TTYH3: variants seen among roughly 807,000 people sequenced by gnomAD.
TTYH3 encodes tweety family member 3.
A neutral mutation model predicts 68.2 loss-of-function variants in TTYH3; 23 were observed. That is an observed-to-expected ratio of 0.34 (90% CI 0.24 to 0.48). The LOEUF (loss-of-function observed/expected upper bound fraction) is 0.48, where lower values mean the gene tolerates loss of function less well. Among genes scored for constraint, TTYH3 ranks in the 20% least tolerant of loss-of-function variants. The pLI, the probability that TTYH3 is intolerant of heterozygous loss-of-function variation, is 0.99. For missense variants in TTYH3, 768 were observed against 727.7 expected, an observed-to-expected ratio of 1.06 and a Z score of -0.64; for synonymous variants, 360 against 332.8, an observed-to-expected ratio of 1.08 and a Z score of -0.89.
At chr7:2,653,947 G>C (rs555401310) in intron 9 of TTYH3, among the ~76,000 whole-genome samples, 4 of 152,300 alleles carry the variant, frequency 2.6e-5, no homozygotes, top group Non-Finnish European at 5.9e-5. Context: ...TGGTCCACCC[G>C]TGGGGATCCC....
intron 1 of TTYH3, among the ~76,000 whole-genome samples, chr7:2,643,811 C>CAGTGGGGT (rs112707413): frequency 6.6e-6 from 1 of 151,960 alleles, no homozygotes; most frequent in African/African-American, 2.4e-5. Context: ...GCGGAGGTCA[C>CAGTGGGGT]ACCTGTTTAG....
Position 2,661,895 on chromosome 7 carries a change from A to G in TTYH3, c.*156A>G. On this transcript the variant is annotated 3_prime_UTR_variant, in exon 14 of 14. Coordinates refer to ENST00000258796, the MANE Select transcript of TTYH3 (RefSeq NM_025250.3). ...GCTTGCCCTCCTGTCCCCTCCCCGC[A>G]GGGGCACAGTGGAGACGCAGGGGCT... 2.5e-6 allele frequency: 2 copies of G among 789,138 alleles called. No individual in the cohort carries two copies. Among genetic ancestry groups the G allele is most frequent in the Non-Finnish European group, 4.1e-6 (2 of 486,890 alleles). The allele number at this position is 789,138 out of a possible 1,614,324, so 48.9% of individuals were successfully genotyped here.
At position 2,647,562 on chromosome 7, in the gene TTYH3, G is replaced by C; in HGVS notation, c.550G>C (p.Ala184Pro). The C allele has an allele frequency of 1.9e-6, 3 of 1,562,788 alleles. No homozygotes were observed. The highest frequency in any genetic ancestry group is 2.6e-6 in the Non-Finnish European group (3 of 1,154,682). The change falls in exon 4 of 14, where the codon GCC becomes CCC. Residue 184 changes from alanine to proline, a missense_variant. By Grantham distance (27) the Ala-to-Pro change is conservative. Coordinates refer to ENST00000258796, the MANE Select transcript of TTYH3 (RefSeq NM_025250.3). The stretch of plus-strand genomic sequence containing the variant: ...GGAGACGCTGCTGGGCTACACGGCC[G>C]CCATCCCCTTTTGGAGGAACACGGC... ...LLETLLGYTA[A>P]IPFWRNTAVS...
intron 5 of TTYH3, chr7:2,648,390 A>C (rs1583566545): frequency 3.9e-6 from 1 of 257,378 alleles, no homozygotes. Context: ...TCCTTCCTCC[A>C]CCCCTTCCAT....
Position 2,653,003 on chromosome 7 carries a change from C to T in TTYH3, c.1013C>T (p.Ala338Val). The T allele has an allele frequency of 1.3e-6, 2 of 1,569,094 alleles. No individual in the cohort carries two copies. The highest frequency in any genetic ancestry group is 1.7e-6 in the Non-Finnish European group (2 of 1,156,668). The change falls in exon 9 of 14, where the codon GCC (alanine) becomes GTC (valine). Residue 338 changes from alanine (A) to valine (V), a missense_variant. Ala to Val is a moderately conservative substitution (Grantham distance 64). Transcript: ENST00000258796. ...AGGACCGTCCCCTGGGAGCAGCCGG[C>T]CACTAAGGTGAGGGGCTGCGGGGTA... ...LLRTVPWEQPATKDPLLRVQE... is the reference protein window; with the variant it reads ...LLRTVPWEQPVTKDPLLRVQE...
chr7:2,632,998 C>T (rs112084263), intron 1 of TTYH3, among the ~76,000 whole-genome samples: 5 of 152,292 alleles, frequency 3.3e-5, no homozygotes, highest in African/African-American at 9.6e-5. Flanking sequence ...AGGCTGGAAG[C>T]GGCTGAGCCC....
chr7:2,636,415 G>C (rs923107722), intron 1 of TTYH3, among the ~76,000 whole-genome samples: 6 of 152,066 alleles, frequency 3.9e-5, no homozygotes, highest in African/African-American at 1.4e-4. Context: ...CTGTAGGGTG[G>C]GTGTCCCTGA....
intron 1 of TTYH3, among the ~76,000 whole-genome samples, chr7:2,640,160 A>G (rs1367356998): frequency 1.3e-5 from 2 of 152,236 alleles, no homozygotes; most frequent in African/African-American, 4.8e-5. Context: ...CGTGGCTGGA[A>G]TGGCAGGGTG....
intron 1 of TTYH3, among the ~76,000 whole-genome samples, chr7:2,633,447 G>C (rs1785577955): frequency 6.6e-6 from 1 of 152,144 alleles, no homozygotes; most frequent in Non-Finnish European, 1.5e-5. Context: ...AGGCCCCCCA[G>C]CCGAGCCGAT....
At chr7:2,644,868 T>C (rs1016122277) in intron 1 of TTYH3, among the ~76,000 whole-genome samples, 1 of 152,208 alleles carries the variant, frequency 6.6e-6, no homozygotes, top group Non-Finnish European at 1.5e-5. Flanking sequence ...ATCCTCCCAC[T>C]GCCTGGCAAC....
rs1786105216 is a variant in TTYH3 at position 2,649,625 on chromosome 7, C to A, written c.781C>A (p.Leu261Met). 1.9e-6 allele frequency: 3 copies of A among 1,599,484 alleles called. No individual in the cohort carries two copies. The highest frequency in any genetic ancestry group is 2.5e-6 in the Non-Finnish European group (3 of 1,177,358). The change falls in exon 6 of 14, where the codon CTG becomes ATG. Residue 261 changes from leucine (L) to methionine (M), a missense_variant. Physicochemically the swap from Leu to Met is conservative, Grantham distance 15. Transcript: ENST00000258796. The stretch of plus-strand genomic sequence containing the variant: ...CAGCTGGGGCGCGCTGGGCTTGGAG[C>A]TGGCTGTGTCCGTGGTGAGTGGCAG... ...VISWGALGLE[L>M]AVSVGSSDFC...
In TTYH3 at chr7:2,640,392, C is replaced by T. The variant is rs549864954; in HGVS notation, c.124-6461C>T. Among the ~76,000 whole-genome samples the T allele has an allele frequency of 1.3e-4, 18 of 138,320 alleles. No homozygotes were observed. The East Asian group carries it at 3.8e-3, about 29-fold the overall frequency. The allele number at this position is 138,320 out of a possible 152,430, so 90.7% of individuals were successfully genotyped here. A position where few individuals can be genotyped will look rare whatever the true frequency, so the allele number is the denominator to read the frequency against. ...AGGCGTGTGCATGTAGAGCAGCCGCCTGTGTGTGTGTGGGGGGGGACGTGT... is the reference window on the plus strand; with the variant it reads ...AGGCGTGTGCATGTAGAGCAGCCGCTTGTGTGTGTGTGGGGGGGGACGTGT... On this transcript the variant is annotated intron_variant, in intron 1 of 13. Coordinates refer to ENST00000258796, the MANE Select transcript of TTYH3 (RefSeq NM_025250.3).
rs1239993768 is a variant in TTYH3 at position 2,645,712 on chromosome 7, T to C, written c.124-1141T>C. 4.4e-6 allele frequency: 2 copies of C among 455,654 alleles called. No individual in the cohort carries two copies. The highest frequency in any genetic ancestry group is 9.1e-6 in the Non-Finnish European group (2 of 219,196). The allele number at this position is 455,654 out of a possible 1,614,324, so 28.2% of individuals were successfully genotyped here. A position where few individuals can be genotyped will look rare whatever the true frequency, so the allele number is the denominator to read the frequency against. ...CCCACCCCTGAGTGCAGCTTCTCGG[T>C]GCACAGACCCCAGACAGGATCAGAC... On this transcript the variant is annotated intron_variant, in intron 1 of 13. Transcript: ENST00000258796. The surrounding 1 kb of genome is among the most constrained non-coding windows in gnomAD (Gnocchi z 4.8).
intron 13 of TTYH3, among the ~76,000 whole-genome samples, chr7:2,661,016 C>T (rs917702943): frequency 6.6e-6 from 1 of 152,234 alleles, no homozygotes; most frequent in Non-Finnish European, 1.5e-5. Context: ...GCGCCCCCTG[C>T]AGCCGCCTCT....
chr7:2,638,374 C>G (rs1785736860), intron 1 of TTYH3, among the ~76,000 whole-genome samples: 1 of 152,032 alleles, frequency 6.6e-6, no homozygotes, highest in Admixed American at 6.5e-5. Flanking sequence ...CGGGCGTGGG[C>G]AGCGGGAGAG....
intron 9 of TTYH3, 91 bp downstream of exon 9, chr7:2,653,101 A>G: frequency 6.5e-6 from 8 of 1,232,454 alleles, no homozygotes; most frequent in Non-Finnish European, 8.0e-6. Context: ...GCTCAGGGCA[A>G]ATTTGGAGAA....
intron 7 of TTYH3, among the ~76,000 whole-genome samples, chr7:2,651,450 G>A (rs1488385977): frequency 6.6e-6 from 1 of 152,202 alleles, no homozygotes; most frequent in African/African-American, 2.4e-5. Flanking sequence ...GGGAGGGCTG[G>A]TGACCGCTCA....
At position 2,662,019 on chromosome 7, in the gene TTYH3, A is replaced by C; in HGVS notation, c.*280A>C. 1 of 579,662 alleles carries C rather than the reference A, an allele frequency of 1.7e-6. No individual in the cohort carries two copies. Among genetic ancestry groups the C allele is most frequent in the South Asian group, 2.0e-5 (1 of 50,100 alleles). The allele number at this position is 579,662 out of a possible 1,614,324, so 35.9% of individuals were successfully genotyped here. A position where few individuals can be genotyped will look rare whatever the true frequency, so the allele number is the denominator to read the frequency against. On this transcript the variant is annotated 3_prime_UTR_variant, in exon 14 of 14. Transcript: ENST00000258796. Reference sequence around the variant, plus strand: ...CACTATCCCGGCACGCTCCCTCTGCAGATGGTCGCCGCACCTACAAGCCCT... The same window carrying C: ...CACTATCCCGGCACGCTCCCTCTGCCGATGGTCGCCGCACCTACAAGCCCT...
rs537184885 is a variant in TTYH3 at position 2,656,411 on chromosome 7, C to T, written c.1127C>T (p.Ala376Val). The change falls in exon 11 of 14, where the codon GCG becomes GTG. Residue 376 changes from alanine (A) to valine (V), a missense_variant. Coordinates refer to ENST00000258796, the MANE Select transcript of TTYH3 (RefSeq NM_025250.3). ...CRSLHLDYVQ[A>V]LTGFCYDGVE... The stretch of plus-strand genomic sequence containing the variant: ...CCACGGCCTCAGGACTACGTGCAAG[C>T]GCTGACCGGCTTCTGCTATGACGGC... 4.0e-5 allele frequency: 64 copies of T among 1,610,568 alleles called. No individual in the cohort carries two copies. The East Asian group carries it at 5.1e-4, about 13-fold the overall frequency.
Sources: allele counts gnomAD v4.1 joint callset (sites outside exome capture counted in the v4.1 genomes callset), GRCh38; gene constraint gnomAD v4.1.1; non-coding constraint Gnocchi (gnomAD v3.1); transcripts MANE v1.5; gene names NCBI Gene and HGNC (gene_info 2026-07-23, HGNC 2026-07-21).